USP15: variants seen among roughly 807,000 people sequenced by gnomAD.
USP15 encodes the protein ubiquitin specific peptidase 15.
USP15 carries 18 observed loss-of-function variants against 127.1 expected under a neutral mutation model. The ratio of observed to expected loss-of-function variants is 0.14; its 90% CI spans 0.10 to 0.21. The LOEUF is 0.21. Among genes scored for constraint, USP15 ranks in the 10% least tolerant of loss-of-function variants. The probability of loss-of-function intolerance (pLI) is 1.00; values close to 1 mark genes in which losing one functional copy is unlikely to be tolerated. For missense variants in USP15, 805 were observed against 1,159.9 expected, an observed-to-expected ratio of 0.69 and a Z score of 4.44; for synonymous variants, 364 against 393.7, an observed-to-expected ratio of 0.92 and a Z score of 0.89.
chr12:62,329,619 TA>T (rs1260520773), intron 6 of USP15, among the ~76,000 whole-genome samples: 1 of 151,910 alleles, frequency 6.6e-6, no homozygotes, highest in Non-Finnish European at 1.5e-5. Flanking sequence ...CAATAGCTTT[TA>T]AAAAAATAGG....
chr12:62,307,675 A>G (rs189720917), intron 3 of USP15, among the ~76,000 whole-genome samples: 1 of 152,208 alleles, frequency 6.6e-6, no homozygotes, highest in Admixed American at 6.5e-5. Flanking sequence ...TAAATTGTGC[A>G]CCATTCTGAG....
intron 1 of USP15, among the ~76,000 whole-genome samples, chr12:62,265,854 C>G (rs1044650167): frequency 2.6e-5 from 4 of 152,178 alleles, no homozygotes; most frequent in Admixed American, 2.6e-4. Flanking sequence ...TGCCCAGCCT[C>G]TGTCTCTTAT....
At chr12:62,335,515 C>T (rs1050238532) in intron 6 of USP15, 4 of 1,143,872 alleles carry the variant, frequency 3.5e-6, no homozygotes, top group East Asian at 4.7e-5. Flanking sequence ...GCTTCCTGGT[C>T]CTTGCTTTTT....
chr12:62,395,624 C>T (rs1007221072), intron 19 of USP15, among the ~76,000 whole-genome samples: 2 of 151,532 alleles, frequency 1.3e-5, no homozygotes, highest in African/African-American at 4.8e-5. Flanking sequence ...GTTAACCATC[C>T]CCACCTTACA....
intron 8 of USP15, among the ~76,000 whole-genome samples, chr12:62,361,665 T>C (rs537136878): frequency 6.6e-6 from 1 of 152,096 alleles, no homozygotes; most frequent in East Asian, 1.9e-4. Flanking sequence ...AAAAGAAATG[T>C]CAATCTGTAG....
chr12:62,355,211 G>A (rs2066082521), intron 7 of USP15, 120 bp from the exon 8 acceptor site: 1 of 901,596 alleles, frequency 1.1e-6, no homozygotes, highest in Non-Finnish European at 1.6e-6. Flanking sequence ...TCTGAGTTGA[G>A]TACTTTATAA....
intron 2 of USP15, among the ~76,000 whole-genome samples, chr12:62,301,198 A>G (rs1303556699): frequency 3.3e-5 from 5 of 152,142 alleles, no homozygotes; most frequent in African/African-American, 1.2e-4. Context: ...AGTGTTGGCA[A>G]GATTGTAGAG....
chr12:62,415,907 G>T lies in USP15; in HGVS notation c.*11532G>T, dbSNP rs182484259. ...CTAATAAAGAAGTACCCAACTATGG[G>T]AATGATTGTTCCTTCCTTATGAATG... On this transcript the variant is annotated 3_prime_UTR_variant, in exon 22 of 22. Transcript: ENST00000280377. 2 of 152,236 alleles carry T rather than the reference G, an allele frequency of 1.3e-5. No individual in the cohort carries two copies. The highest frequency in any genetic ancestry group is 6.5e-5 in the Admixed American group (1 of 15,286). The allele number at this position is 152,236 out of a possible 1,614,324, so 9.4% of individuals were successfully genotyped here.
At chr12:62,374,673 T>G (rs2066767512) in intron 8 of USP15, 1 of 813,282 alleles carries the variant, frequency 1.2e-6, no homozygotes, top group Non-Finnish European at 1.5e-6. Flanking sequence ...TATAAAAAAC[T>G]TATGTAGAAA....
chr12:62,377,523 C>G (rs994477721), intron 8 of USP15, among the ~76,000 whole-genome samples: 1 of 152,044 alleles, frequency 6.6e-6, no homozygotes, highest in East Asian at 1.9e-4. Flanking sequence ...AGTTCAAGAC[C>G]AGCCTGGCCA....
Position 62,404,405 on chromosome 12 carries a change from C to T in USP15, c.*30C>T, listed in dbSNP as rs765867746. The T allele has an allele frequency of 7.8e-6, 12 of 1,534,270 alleles. No individual in the cohort carries two copies. Among genetic ancestry groups the T allele is most frequent in the Non-Finnish European group, 9.7e-6 (11 of 1,137,694 alleles). ...AGTCCTAGAAGCCATAAAAGAGACA[C>T]TTTCCTGCTGGTGGTATCTATGGAA... On this transcript the variant is annotated 3_prime_UTR_variant, in exon 22 of 22. Coordinates refer to ENST00000280377, the MANE Select transcript of USP15 (RefSeq NM_001252078.2).
rs1447652024 is a variant in USP15 at position 62,413,374 on chromosome 12, C to T, written c.*8999C>T. The T allele has an allele frequency of 6.6e-6, 1 of 152,212 alleles. No individual in the cohort carries two copies. Among genetic ancestry groups the T allele is most frequent in the South Asian group, 2.1e-4 (1 of 4,832 alleles). The allele number at this position is 152,212 out of a possible 1,614,324, so 9.4% of individuals were successfully genotyped here. A position where few individuals can be genotyped will look rare whatever the true frequency, so the allele number is the denominator to read the frequency against. ...AATCAGTCTCTCGTTTGAAGCCAAG[C>T]ATCAACTTTTCTCTAGCTATGAAAG... is the stretch of plus-strand genomic sequence containing the variant. On this transcript the variant is annotated 3_prime_UTR_variant, in exon 22 of 22. Transcript: ENST00000280377.
chr12:62,295,920 G>A (rs1386370395), intron 2 of USP15, among the ~76,000 whole-genome samples: 1 of 152,190 alleles, frequency 6.6e-6, no homozygotes, highest in African/African-American at 2.4e-5. Flanking sequence ...TCACTCTTGT[G>A]ATTATGTTAT....
chr12:62,316,801 A>G (rs2064843036), intron 4 of USP15, among the ~76,000 whole-genome samples: 1 of 152,132 alleles, frequency 6.6e-6, no homozygotes, highest in African/African-American at 2.4e-5. Context: ...ATGGGTTCTC[A>G]TGATAAGAAC....
At chr12:62,379,248 A>G (rs1400902926) in intron 8 of USP15, among the ~76,000 whole-genome samples, 1 of 151,438 alleles carries the variant, frequency 6.6e-6, no homozygotes, top group East Asian at 1.9e-4. Context: ...GTAATGTTGC[A>G]GACTTTCAGA....
chr12:62,369,641 G>A (rs1592683613), intron 8 of USP15, among the ~76,000 whole-genome samples: 2 of 152,110 alleles, frequency 1.3e-5, no homozygotes, highest in Non-Finnish European at 2.9e-5. Flanking sequence ...ACATAATGCT[G>A]CTTCTGTTAT....
At chr12:62,290,450 G>A (rs528835311) in intron 1 of USP15, among the ~76,000 whole-genome samples, 109 of 152,052 alleles carry the variant, frequency 7.2e-4, no homozygotes, top group African/African-American at 2.6e-3. Context: ...TTTGGTTTCC[G>A]TTTGCATGGA....
intron 1 of USP15, among the ~76,000 whole-genome samples, chr12:62,277,354 A>AG (rs1334742844): frequency 6.6e-6 from 1 of 152,198 alleles, no homozygotes; most frequent in Admixed American, 6.5e-5. Flanking sequence ...AAGAGAAGGA[A>AG]GGGGATGGTA....
chr12:62,326,014 G>A, intron 6 of USP15, 81 bp downstream of exon 6: 2 of 1,192,068 alleles, frequency 1.7e-6, no homozygotes, highest in Non-Finnish European at 2.4e-6. Context: ...AATGATAGAA[G>A]AACCTAGATG....
Sources: gnomAD v4.1 joint callset for allele counts (sites outside exome capture counted in the v4.1 genomes callset) on GRCh38, gnomAD v4.1.1 for gene constraint, MANE v1.5 for transcripts, NCBI Gene and HGNC (gene_info 2026-07-23, HGNC 2026-07-21) for gene names.